CSRNP3: variants seen among roughly 807,000 people sequenced by gnomAD.
The protein encoded by CSRNP3 is cysteine/serine-rich nuclear protein 3.
Under a neutral mutation model 48.0 loss-of-function variants are expected in CSRNP3, and 12 were observed. The observed-to-expected ratio is 0.25, with a 90% confidence interval of 0.16 to 0.41. CSRNP3 has a LOEUF of 0.41. Among genes scored for constraint, CSRNP3 ranks in the 10% least tolerant of loss-of-function variants. CSRNP3 has a pLI of 1.00. For missense variants in CSRNP3, 580 were observed against 724.4 expected (o/e 0.80, Z 2.29); for synonymous variants, 263 against 269.7 (o/e 0.98, Z 0.24).
intron 3 of CSRNP3, among the ~76,000 whole-genome samples, chr2:165,569,309 G>T (rs1430025025): frequency 6.6e-6 from 1 of 152,030 alleles, no homozygotes; most frequent in African/African-American, 2.4e-5. Context: ...TATGGTTCCA[G>T]GAAACACAGG....
At chr2:165,588,519 C>T (rs1489668418) in intron 3 of CSRNP3, among the ~76,000 whole-genome samples, 1 of 152,236 alleles carries the variant, frequency 6.6e-6, no homozygotes, top group Non-Finnish European at 1.5e-5. Context: ...GTGCCCTTGA[C>T]TAGCATGTGT....
At chr2:165,639,028 C>T (rs1686680789) in intron 4 of CSRNP3, among the ~76,000 whole-genome samples, 1 of 152,182 alleles carries the variant, frequency 6.6e-6, no homozygotes, top group Non-Finnish European at 1.5e-5. Context: ...TTTAAAGACA[C>T]CTTATTAAAT....
At chr2:165,537,512 CAATT>C (rs1684896540) in intron 3 of CSRNP3, among the ~76,000 whole-genome samples, 1 of 150,738 alleles carries the variant, frequency 6.6e-6, no homozygotes. Context: ...TTATTATCAT[CAATT>C]AATGTGTCAG....
chr2:165,485,985 C>T (rs981584244), intron 1 of CSRNP3, among the ~76,000 whole-genome samples: 6 of 152,104 alleles, frequency 3.9e-5, no homozygotes, highest in Admixed American at 6.5e-5. Context: ...CAGCTCCCAG[C>T]GTGAGCGACG....
intron 3 of CSRNP3, among the ~76,000 whole-genome samples, chr2:165,566,008 C>T (rs1233703927): frequency 2.6e-5 from 4 of 151,912 alleles, no homozygotes; most frequent in Non-Finnish European, 5.9e-5. Flanking sequence ...CAGACAGAAT[C>T]GTCTATCTGG....
At chr2:165,558,236 C>T (rs921812138) in intron 3 of CSRNP3, among the ~76,000 whole-genome samples, 1 of 152,114 alleles carries the variant, frequency 6.6e-6, no homozygotes, top group African/African-American at 2.4e-5. Flanking sequence ...ATATCAATGT[C>T]CTTGGGTATA....
At chr2:165,663,406 A>G (rs564739826) in intron 5 of CSRNP3, among the ~76,000 whole-genome samples, 2 of 152,310 alleles carry the variant, frequency 1.3e-5, no homozygotes, top group South Asian at 4.1e-4. Flanking sequence ...ATGGAGGCCC[A>G]CTTTAACATC....
At chr2:165,607,012 T>G (rs1460801365) in intron 4 of CSRNP3, among the ~76,000 whole-genome samples, 1 of 152,132 alleles carries the variant, frequency 6.6e-6, no homozygotes, top group Non-Finnish European at 1.5e-5. Flanking sequence ...AGCAAAATAT[T>G]AGCGTCCATA....
chr2:165,645,288 C>G (rs946622656), intron 4 of CSRNP3, among the ~76,000 whole-genome samples: 1 of 152,006 alleles, frequency 6.6e-6, no homozygotes, highest in Non-Finnish European at 1.5e-5. Context: ...GAGCTGAGAT[C>G]ATGCCACTGC....
intron 4 of CSRNP3, among the ~76,000 whole-genome samples, chr2:165,621,227 G>C (rs1686333962): frequency 6.6e-6 from 1 of 151,504 alleles, no homozygotes; most frequent in African/African-American, 2.4e-5. Flanking sequence ...AGATGTTCTT[G>C]GCAGCTTTTT....
chr2:165,524,282 G>T (rs922500148), intron 3 of CSRNP3, among the ~76,000 whole-genome samples: 2 of 151,866 alleles, frequency 1.3e-5, no homozygotes, highest in Non-Finnish European at 2.9e-5. Flanking sequence ...TTAACTACTT[G>T]GGGGAAAATA....
chr2:165,637,487 T>C (rs7598251), intron 4 of CSRNP3, among the ~76,000 whole-genome samples: 152,291 of 152,340 alleles, frequency 1, 76,121 homozygotes, highest in Middle Eastern at 1. Flanking sequence ...TTAGTACTCA[T>C]AGCTGGTCAT....
At chr2:165,611,363 A>ATGTG (rs1553479605) in intron 4 of CSRNP3, among the ~76,000 whole-genome samples, 42,446 of 104,612 alleles carry the variant, frequency 0.41, 6,274 homozygotes, top group South Asian at 0.54. Context: ...TTCACGATAT[A>ATGTG]TGTGTGTGTG....
At chr2:165,650,065 G>T (rs1686879326) in intron 4 of CSRNP3, among the ~76,000 whole-genome samples, 1 of 152,108 alleles carries the variant, frequency 6.6e-6, no homozygotes, top group Admixed American at 6.5e-5. Flanking sequence ...TGGTAAGAAA[G>T]AAAATAGTCC....
intron 4 of CSRNP3, among the ~76,000 whole-genome samples, chr2:165,653,707 C>T (rs1438482746): frequency 6.6e-6 from 1 of 151,836 alleles, no homozygotes; most frequent in African/African-American, 2.4e-5. Context: ...CACAGTGGCT[C>T]ACACCTATAA....
intron 1 of CSRNP3, among the ~76,000 whole-genome samples, chr2:165,474,395 C>T (rs1683934228): frequency 6.6e-6 from 1 of 152,108 alleles, no homozygotes; most frequent in African/African-American, 2.4e-5. Flanking sequence ...GCTTATACCA[C>T]TGTCCCTGGC....
chr2:165,607,857 T>C (rs998104106), intron 4 of CSRNP3, among the ~76,000 whole-genome samples: 2 of 152,080 alleles, frequency 1.3e-5, no homozygotes, highest in Non-Finnish European at 1.5e-5. Flanking sequence ...ACTCTGACTT[T>C]GGTTAAATCA....
intron 3 of CSRNP3, among the ~76,000 whole-genome samples, chr2:165,582,068 A>C (rs894496200): frequency 9.9e-5 from 15 of 152,212 alleles, no homozygotes; most frequent in Non-Finnish European, 1.5e-4. Context: ...GTACTGATAA[A>C]TGCATAGACC....
chr2:165,493,533 A>T (rs995181666), intron 1 of CSRNP3, among the ~76,000 whole-genome samples: 6 of 152,136 alleles, frequency 3.9e-5, no homozygotes, highest in African/African-American at 7.2e-5. Context: ...CAGTCTAAAA[A>T]TTGCTCCTTT....
Sources: gnomAD v4.1 joint callset for allele counts (sites outside exome capture counted in the v4.1 genomes callset) on GRCh38, gnomAD v4.1.1 for gene constraint, MANE v1.5 for transcripts, NCBI Gene and HGNC (gene_info 2026-07-23, HGNC 2026-07-21) for gene names.